Variants in FHIT observed in about 807,000 individuals in gnomAD.
FHIT encodes the protein fragile histidine triad diadenosine triphosphatase.
Under a neutral mutation model 17.9 loss-of-function variants are expected in FHIT, and 19 were observed. That is an observed-to-expected ratio of 1.06 (90% CI 0.74 to 1.56). The LOEUF is 1.56. Ranked by LOEUF, FHIT falls within the 40% of genes most tolerant of loss-of-function variation. The probability of loss-of-function intolerance (pLI) is 0.00; values close to 1 mark genes in which losing one functional copy is unlikely to be tolerated. For synonymous variants in FHIT, 81 were observed against 69.7 expected (o/e 1.16, Z -0.81); for missense variants, 248 against 189.2 (o/e 1.31, Z -1.82).
chr3:60,542,247 G>A (rs941969033), intron 4 of FHIT, among the ~76,000 whole-genome samples: 4 of 152,114 alleles, frequency 2.6e-5, no homozygotes, highest in East Asian at 1.9e-4. Flanking sequence ...CTCTAGTGCT[G>A]TAGAGCTAGC....
At position 60,129,114 on chromosome 3, in the gene FHIT, G is replaced by A. The variant is rs372469850; in HGVS notation, c.104-114962C>T. Among the ~76,000 whole-genome samples the A allele has an allele frequency of 1.1e-4, 16 of 140,754 alleles. No homozygotes were observed. In the South Asian group the frequency reaches 1.4e-3, roughly 12 times the overall value. The allele number at this position is 140,754 out of a possible 152,430, so 92.3% of individuals were successfully genotyped here. The stretch of plus-strand genomic sequence containing the variant: ...ATTGCCCAGACTGGAGTGCAGTGGC[G>A]CAATCTTGGCTCACTGCAACCTCCG... On this transcript the variant is annotated intron_variant, in intron 5 of 9. Coordinates refer to ENST00000492590, the MANE Select transcript of FHIT (RefSeq NM_002012.4).
Position 60,642,265 on chromosome 3 carries a change from G to A in FHIT, c.-17-105286C>T, listed in dbSNP as rs528351800. On this transcript the variant is annotated intron_variant, in intron 4 of 9. Transcript: ENST00000492590. ...ATAGGCTAGGAAGGCGGGGGATGGA[G>A]AATTACCAGCACATGCCCCCAAAGG... 5.3e-5 allele frequency among the ~76,000 whole-genome samples: 8 copies of A among 152,274 alleles called. No homozygotes were observed. In the South Asian group the frequency reaches 8.3e-4, roughly 16 times the overall value.
chr3:60,242,968 T>C (rs1211056851), intron 5 of FHIT, among the ~76,000 whole-genome samples: 3 of 151,998 alleles, frequency 2.0e-5, no homozygotes, highest in South Asian at 2.1e-4. Flanking sequence ...ACTAGGTCTT[T>C]ACTTGAATTG....
intron 4 of FHIT, among the ~76,000 whole-genome samples, chr3:60,631,736 G>T (rs188936566): frequency 1.3e-5 from 2 of 152,124 alleles, no homozygotes; most frequent in African/African-American, 2.4e-5. Flanking sequence ...TGCGTGTGTC[G>T]CACGGCATCC....
At chr3:61,050,356 A>T (rs1193118072) in intron 2 of FHIT, among the ~76,000 whole-genome samples, 1 of 152,090 alleles carries the variant, frequency 6.6e-6, no homozygotes, top group Non-Finnish European at 1.5e-5. Context: ...AGGACTAATT[A>T]AAAAAAAGGA....
At chr3:60,775,204 C>T (rs1553724175) in intron 4 of FHIT, among the ~76,000 whole-genome samples, 1 of 152,134 alleles carries the variant, frequency 6.6e-6, no homozygotes, top group African/African-American at 2.4e-5. Flanking sequence ...GAGGAAGAAA[C>T]CAAAGCTCAG....
chr3:61,096,897 G>C (rs780690486), intron 2 of FHIT, among the ~76,000 whole-genome samples: 17 of 152,108 alleles, frequency 1.1e-4, no homozygotes, highest in South Asian at 2.1e-4. Flanking sequence ...CAACACCTGA[G>C]GTCAGGAGTT....
At chr3:60,904,604 T>C (rs1162292935) in intron 3 of FHIT, among the ~76,000 whole-genome samples, 2 of 152,070 alleles carry the variant, frequency 1.3e-5, no homozygotes, top group African/African-American at 4.8e-5. Flanking sequence ...AAAATATTTA[T>C]AAAATATATC....
At chr3:59,947,701 A>C (rs931923006) in intron 7 of FHIT, among the ~76,000 whole-genome samples, 1 of 151,982 alleles carries the variant, frequency 6.6e-6, no homozygotes, top group Non-Finnish European at 1.5e-5. Context: ...AAGGTTAAGA[A>C]CCTGCTGTGC....
intron 8 of FHIT, among the ~76,000 whole-genome samples, chr3:59,899,269 T>C (rs1004284296): frequency 2.0e-5 from 3 of 152,186 alleles, no homozygotes; most frequent in Non-Finnish European, 4.4e-5. Flanking sequence ...CTCAGACACT[T>C]TTCACAAATG....
At chr3:59,849,174 C>T (rs1482428202) in intron 8 of FHIT, among the ~76,000 whole-genome samples, 2 of 152,078 alleles carry the variant, frequency 1.3e-5, no homozygotes, top group Non-Finnish European at 2.9e-5. Context: ...AGTTTGAGAC[C>T]AGCCTGGCCA....
At chr3:60,387,995 T>G (rs1051078405) in intron 5 of FHIT, among the ~76,000 whole-genome samples, 6 of 152,136 alleles carry the variant, frequency 3.9e-5, no homozygotes, top group Admixed American at 6.6e-5. Context: ...TGTCTTGCCA[T>G]GTGATCTGCA....
intron 5 of FHIT, among the ~76,000 whole-genome samples, chr3:60,453,824 T>C (rs1310323085): frequency 3.3e-5 from 5 of 152,290 alleles, no homozygotes; most frequent in East Asian, 3.9e-4. Context: ...ATCATAAGTG[T>C]CACAATAAGC....
At chr3:61,191,571 A>G (rs947194819) in intron 2 of FHIT, among the ~76,000 whole-genome samples, 2 of 152,212 alleles carry the variant, frequency 1.3e-5, no homozygotes, top group East Asian at 3.8e-4. Flanking sequence ...AATCCTGACT[A>G]GTATAAGCCC....
chr3:60,513,713 A>G (rs3911036), intron 5 of FHIT, among the ~76,000 whole-genome samples: 76,039 of 151,896 alleles, frequency 0.5, 19,181 homozygotes, highest in Admixed American at 0.55. Context: ...ATGGACAGGA[A>G]GCAGGAGGGA....
chr3:60,806,573 T>C (rs1416523371), intron 4 of FHIT, among the ~76,000 whole-genome samples: 1 of 152,232 alleles, frequency 6.6e-6, no homozygotes, highest in Non-Finnish European at 1.5e-5. Flanking sequence ...CTCACATCAA[T>C]ACCGTAAGCT....
chr3:61,182,910 G>C (rs540483985), intron 2 of FHIT, among the ~76,000 whole-genome samples: 149 of 152,300 alleles, frequency 9.8e-4, no homozygotes, highest in African/African-American at 3.4e-3. Flanking sequence ...CTACTTCTAT[G>C]CACCATCTCT....
Position 60,834,631 on chromosome 3 carries a change from G to A in FHIT, c.-110-12620C>T, listed in dbSNP as rs1045869369. On this transcript the variant is annotated intron_variant, in intron 3 of 9. Transcript: ENST00000492590. ...ACCAGCATTTGGGAGGCCGAGGAGG[G>A]TGGATCTTTTGAGGTCAGGAGTTTG... Among the ~76,000 whole-genome samples, 7 of 152,144 alleles carry A rather than the reference G, an allele frequency of 4.6e-5. No homozygotes were observed. The South Asian group carries it at 1.4e-3, about 32-fold the overall frequency.
intron 5 of FHIT, among the ~76,000 whole-genome samples, chr3:60,400,340 G>T (rs1701613507): frequency 6.6e-6 from 1 of 152,150 alleles, no homozygotes; most frequent in Non-Finnish European, 1.5e-5. Context: ...GCAGCAGCCT[G>T]GGGCCTGCAG....
Sources: allele counts gnomAD v4.1 joint callset (sites outside exome capture counted in the v4.1 genomes callset), GRCh38; gene constraint gnomAD v4.1.1; transcripts MANE v1.5; gene names NCBI Gene and HGNC (gene_info 2026-07-23, HGNC 2026-07-21).